ITIH2: variants seen among roughly 807,000 people sequenced by gnomAD.
ITIH2 encodes the protein inter-alpha-trypsin inhibitor heavy chain 2, also known as inter-alpha-trypsin inhibitor heavy chain H2.
Under a neutral mutation model 104.4 loss-of-function variants are expected in ITIH2, and 103 were observed. The observed-to-expected ratio is 0.99, with a 90% CI of 0.84 to 1.16. ITIH2 has a LOEUF of 1.16. Ranked by LOEUF, ITIH2 falls within the 50% of genes most tolerant of loss-of-function variation. ITIH2 has a pLI of 0.00. For synonymous variants in ITIH2, 436 were observed against 435.4 expected, an observed-to-expected ratio of 1.00 and a Z score of -0.02; for missense variants, 1,108 against 1,162.4, an observed-to-expected ratio of 0.95 and a Z score of 0.68.
intron 8 of ITIH2, among the ~76,000 whole-genome samples, chr10:7,723,133 C>A (rs563812053): frequency 8.1e-6 from 1 of 124,100 alleles, no homozygotes; most frequent in South Asian, 2.7e-4. Context: ...AGTGCCCTGG[C>A]ATGGCGTGGA....
chr10:7,723,400 C>G (rs778534507), intron 8 of ITIH2, 51 bp from the exon 9 acceptor site: 2 of 1,193,802 alleles, frequency 1.7e-6, no homozygotes, highest in South Asian at 2.4e-5. Context: ...CATCTTCCTA[C>G]CTTCTAAACA....
At chr10:7,721,612 C>A in intron 7 of ITIH2, 37 bp from the exon 8 acceptor site, 1 of 1,600,668 alleles carries the variant, frequency 6.2e-7, no homozygotes, top group Non-Finnish European at 8.5e-7. Flanking sequence ...TGGGAAGGGG[C>A]TAGAGGCAGA....
chr10:7,746,321 G>A (rs1300830674), intron 19 of ITIH2, among the ~76,000 whole-genome samples: 1 of 151,772 alleles, frequency 6.6e-6, no homozygotes, highest in Non-Finnish European at 1.5e-5. Context: ...GTTGCAGTGA[G>A]CCGAGATAGC....
intron 5 of ITIH2, among the ~76,000 whole-genome samples, chr10:7,713,848 G>T (rs1834820904): frequency 1.3e-5 from 2 of 152,092 alleles, no homozygotes; most frequent in South Asian, 4.2e-4. Context: ...GGGACTTGGG[G>T]TGCACCACCA....
At chr10:7,710,415 A>G (rs1197349764) in intron 4 of ITIH2, among the ~76,000 whole-genome samples, 1 of 152,232 alleles carries the variant, frequency 6.6e-6, no homozygotes, top group Non-Finnish European at 1.5e-5. Context: ...AGTGATTGGA[A>G]TGATTTCTAT....
intron 5 of ITIH2, among the ~76,000 whole-genome samples, chr10:7,716,755 A>AG (rs1834853759): frequency 6.7e-6 from 1 of 149,948 alleles, no homozygotes; most frequent in Non-Finnish European, 1.5e-5. Context: ...AAAAAAAAAA[A>AG]GAGAAACATA....
At chr10:7,712,662 C>G (rs1358267986) in intron 4 of ITIH2, among the ~76,000 whole-genome samples, 1 of 152,158 alleles carries the variant, frequency 6.6e-6, no homozygotes. Flanking sequence ...TGGGAGCCTA[C>G]CAAACCCCTC....
intron 20 of ITIH2, among the ~76,000 whole-genome samples, chr10:7,748,571 T>C (rs777224332): frequency 8.0e-6 from 1 of 125,514 alleles, no homozygotes; most frequent in Non-Finnish European, 1.6e-5. Context: ...TGACAGAGTC[T>C]TGCTCTGTCG....
In ITIH2 at chr10:7,720,906, C is replaced by T. The variant is rs144114794; in HGVS notation, c.681C>T (p.Pro227=). 162 of 1,613,748 alleles carry T rather than the reference C, an allele frequency of 1.0e-4. No individual in the cohort carries two copies. Among genetic ancestry groups the T allele is most frequent in the Non-Finnish European group, 1.2e-4 (144 of 1,179,724 alleles). Residue 227 remains proline, a synonymous_variant, in exon 7 of 21, where the codon CCC becomes CCT. Transcript: ENST00000358415. ...AGGGACTGAGATTTCTTCATGTTCC[C>T]GACACATTTGAAGGCCATTTCGATG... ...EPQGLRFLHV[P]DTFEGHFDGV... is the part of the protein sequence containing the mutation.
At position 7,746,592 on chromosome 10, in the gene ITIH2, G is replaced by C; in HGVS notation, c.2582-1G>C. On this transcript the variant is annotated splice_acceptor_variant, in intron 19 of 20. Coordinates refer to ENST00000358415, the MANE Select transcript of ITIH2 (RefSeq NM_002216.3). LOFTEE classifies it high-confidence loss of function. The stretch of plus-strand genomic sequence containing the variant: ...ATCAATGTCTGATTCTGTTTTGCTA[G>C]GCCAGTTCATGCAGGAACCAAAGAT... 1 of 1,600,802 alleles carries C rather than the reference G, an allele frequency of 6.2e-7. No individual in the cohort carries two copies. The highest frequency in any genetic ancestry group is 8.6e-7 in the Non-Finnish European group (1 of 1,168,244).
At chr10:7,730,741 G>T (rs1834994645) in intron 12 of ITIH2, among the ~76,000 whole-genome samples, 1 of 152,136 alleles carries the variant, frequency 6.6e-6, no homozygotes, top group Non-Finnish European at 1.5e-5. Context: ...AGAAAATGAT[G>T]TAGGGAAAGA....
intron 19 of ITIH2, 57 bp from the exon 20 acceptor site, chr10:7,746,536 C>T (rs1180035598): frequency 1.7e-6 from 2 of 1,175,222 alleles, no homozygotes; most frequent in Non-Finnish European, 2.5e-6. Context: ...CAATAATGAG[C>T]CTCTTTTTAT....
intron 14 of ITIH2, among the ~76,000 whole-genome samples, chr10:7,733,023 G>A (rs529997273): frequency 4.9e-4 from 74 of 150,560 alleles, no homozygotes; most frequent in African/African-American, 1.8e-3. Context: ...CACCGCACCC[G>A]GCCAAAATGC....
At chr10:7,747,516 A>G (rs913460163) in intron 20 of ITIH2, among the ~76,000 whole-genome samples, 1 of 152,214 alleles carries the variant, frequency 6.6e-6, no homozygotes, top group African/African-American at 2.4e-5. Context: ...ACCGACGGGA[A>G]TCAGTGAGCA....
intron 4 of ITIH2, among the ~76,000 whole-genome samples, chr10:7,710,133 T>C (rs1834784062): frequency 6.6e-6 from 1 of 152,222 alleles, no homozygotes; most frequent in South Asian, 2.1e-4. Flanking sequence ...ATTACAGGCG[T>C]GAGCCACCGT....
Position 7,735,057 on chromosome 10 carries a change from G to A in ITIH2, c.1923G>A (p.Ala641=), listed in dbSNP as rs201702122. The change falls in exon 15 of 21, where the codon GCG becomes GCA. Residue 641 remains alanine (A), a synonymous_variant. Coordinates refer to ENST00000358415, the MANE Select transcript of ITIH2 (RefSeq NM_002216.3). ...AGGCTGGGGATGAGCGCATGCTGGC[G>A]GATGCCCCACCGCAGGATCCCTCCT... The part of the protein sequence containing the change: ...ENEAGDERML[A]DAPPQDPSCC... The A allele has an allele frequency of 3.9e-4, 632 of 1,611,926 alleles. 6 individuals carry two copies. In the South Asian group the frequency reaches 4.7e-3, roughly 12 times the overall value.
At chr10:7,707,064 T>A (rs1179230854) in intron 2 of ITIH2, 137 bp from the exon 3 acceptor site, 5 of 503,356 alleles carry the variant, frequency 9.9e-6, no homozygotes, top group Non-Finnish European at 1.8e-5. Context: ...AATATTTATG[T>A]CTCAACTCCA....
rs939387529 is a variant in ITIH2, at chr10:7,727,835, G to A, written c.1279+7G>A. On this transcript the variant is annotated splice_region_variant and intron_variant, in intron 11 of 20. Transcript: ENST00000358415. ...GATGGAGATCCAACAGTGGGCAAGT[G>A]TCACTTCAACCTTCTCACGACAAAC... 1 of 1,614,086 alleles carries A rather than the reference G, an allele frequency of 6.2e-7. No individual in the cohort carries two copies. Among genetic ancestry groups the A allele is most frequent in the Non-Finnish European group, 8.5e-7 (1 of 1,179,964 alleles).
In ITIH2 at chr10:7,713,188, G is replaced by T; in HGVS notation, c.370G>T (p.Asp124Tyr). The T allele has an allele frequency of 6.2e-7, 1 of 1,613,506 alleles. No homozygotes were observed. The highest frequency in any genetic ancestry group is 2.2e-5 in the East Asian group (1 of 44,882). The change falls in exon 5 of 21, where the codon GAC becomes TAC. Residue 124 changes from aspartate (D) to tyrosine (Y), a missense_variant. Asp to Tyr is a radical substitution (Grantham distance 160). Coordinates refer to ENST00000358415, the MANE Select transcript of ITIH2 (RefSeq NM_002216.3). The part of the protein sequence containing the change: ...AFISNFSMTV[D>Y]GKTFRSSIKE... ...CCTTCTGTCATTTTCTAGGACTGTG[G>T]ACGGCAAGACATTTAGGAGCTCTAT...
Sources: allele counts gnomAD v4.1 joint callset (sites outside exome capture counted in the v4.1 genomes callset), GRCh38; gene constraint gnomAD v4.1.1; transcripts MANE v1.5; gene names NCBI Gene and HGNC (gene_info 2026-07-23, HGNC 2026-07-21).